The following TTBK2 variants were observed in gnomAD, a reference collection of about 807,000 sequenced individuals.
The protein encoded by TTBK2 is tau tubulin kinase 2.
Under a neutral mutation model 110.8 loss-of-function variants are expected in TTBK2, and 28 were observed. The ratio of observed to expected loss-of-function variants is 0.25; its 90% CI spans 0.19 to 0.35. The LOEUF (loss-of-function observed/expected upper bound fraction) is 0.35, where lower values mean the gene tolerates loss of function less well. Among genes scored for constraint, TTBK2 ranks in the 10% least tolerant of loss-of-function variants. The pLI is 1.00. For missense variants in TTBK2, 1,369 were observed against 1,500.3 expected, an observed-to-expected ratio of 0.91 and a Z score of 1.45; for synonymous variants, 532 against 527.3, an observed-to-expected ratio of 1.01 and a Z score of -0.12.
chr15:42,913,940 C>T (rs2030936804), intron 1 of TTBK2, among the ~76,000 whole-genome samples: 1 of 151,848 alleles, frequency 6.6e-6, no homozygotes, highest in Non-Finnish European at 1.5e-5. Flanking sequence ...AGAACCTTTT[C>T]TGTATCTTCA....
intron 4 of TTBK2, among the ~76,000 whole-genome samples, chr15:42,839,705 T>C (rs920278669): frequency 3.9e-5 from 6 of 152,232 alleles, no homozygotes; most frequent in African/African-American, 1.4e-4. Context: ...ATTAGTGATG[T>C]TGAACATTCT....
chr15:42,784,781 T>C (rs1890336743), intron 10 of TTBK2, among the ~76,000 whole-genome samples: 1 of 152,188 alleles, frequency 6.6e-6, no homozygotes, highest in Non-Finnish European at 1.5e-5. Context: ...AGATGTCATA[T>C]ACTGTTTTGA....
intron 14 of TTBK2, among the ~76,000 whole-genome samples, chr15:42,750,128 G>C (rs934043252): frequency 1.1e-4 from 17 of 151,910 alleles, no homozygotes; most frequent in African/African-American, 3.6e-4. Context: ...AAATCCCGAA[G>C]AAAGGGGAAA....
At chr15:42,871,438 G>A (rs1234310988) in intron 3 of TTBK2, 1 of 985,206 alleles carries the variant, frequency 1.0e-6, no homozygotes, top group African/African-American at 1.7e-5. Flanking sequence ...GCTGTATCCT[G>A]CCTCACCTGG....
intron 3 of TTBK2, among the ~76,000 whole-genome samples, chr15:42,863,916 C>T (rs533085694): frequency 9.2e-5 from 14 of 152,162 alleles, no homozygotes; most frequent in Non-Finnish European, 1.5e-4. Context: ...TCTTTCACCA[C>T]ATACAAAAAT....
At chr15:42,890,387 T>C (rs1256829923) in intron 1 of TTBK2, among the ~76,000 whole-genome samples, 3 of 152,196 alleles carry the variant, frequency 2.0e-5, no homozygotes, top group African/African-American at 7.2e-5. Flanking sequence ...GGGTAGTGTA[T>C]CCTAACTTCA....
chr15:42,780,084 G>A (rs1005313536), intron 11 of TTBK2, among the ~76,000 whole-genome samples: 19 of 151,416 alleles, frequency 1.3e-4, no homozygotes, highest in East Asian at 3.9e-4. Flanking sequence ...GTGCAGTGGC[G>A]CAAACTTGGC....
At chr15:42,764,150 G>T (rs967998688) in intron 13 of TTBK2, among the ~76,000 whole-genome samples, 1 of 152,160 alleles carries the variant, frequency 6.6e-6, no homozygotes, top group Admixed American at 6.6e-5. Context: ...CAAGATGGCC[G>T]AATAGGAACA....
At chr15:42,872,530 T>C in intron 3 of TTBK2, 81 bp downstream of exon 3, 1 of 1,513,430 alleles carries the variant, frequency 6.6e-7, no homozygotes, top group South Asian at 1.2e-5. Context: ...ACTTAAAGAA[T>C]GTAATTAAGG....
chr15:42,771,376 C>T (rs1889670154), intron 13 of TTBK2, among the ~76,000 whole-genome samples: 1 of 152,174 alleles, frequency 6.6e-6, no homozygotes, highest in African/African-American at 2.4e-5. Context: ...AAGTCCTAGG[C>T]AGATATGTCT....
At chr15:42,910,914 G>T (rs1180178101) in intron 1 of TTBK2, among the ~76,000 whole-genome samples, 1 of 151,872 alleles carries the variant, frequency 6.6e-6, no homozygotes, top group Non-Finnish European at 1.5e-5. Context: ...CATGGTGGCA[G>T]GTGCCTGTAA....
At position 42,771,315 on chromosome 15, in the gene TTBK2, T is replaced by C. The variant is rs939413505; in HGVS notation, c.1998+3820A>G. On this transcript the variant is annotated intron_variant, in intron 13 of 14. Coordinates refer to ENST00000267890, the MANE Select transcript of TTBK2 (RefSeq NM_173500.4). ...TTCCCAGAAAGATTTTTAATTACCA[T>C]GCTAAAAAAAAATTAGTTGAGAAAA... Among the ~76,000 whole-genome samples the C allele has an allele frequency of 7.9e-5, 12 of 152,176 alleles. 1 individual carries two copies. In the East Asian group the frequency reaches 1.7e-3, roughly 22 times the overall value.
chr15:42,912,017 T>C (rs1010057486), intron 1 of TTBK2, among the ~76,000 whole-genome samples: 2 of 151,928 alleles, frequency 1.3e-5, no homozygotes, highest in African/African-American at 4.8e-5. Context: ...CTTAAGAAAG[T>C]TTACAAATTT....
At chr15:42,811,947 T>C (rs999799308) in intron 7 of TTBK2, among the ~76,000 whole-genome samples, 167 bp from the exon 8 acceptor site, 1 of 152,124 alleles carries the variant, frequency 6.6e-6, no homozygotes, top group African/African-American at 2.4e-5. Flanking sequence ...TACATAGCTA[T>C]ACAGCAATCT....
intron 13 of TTBK2, among the ~76,000 whole-genome samples, chr15:42,770,709 C>T (rs1034896359): frequency 1.3e-5 from 2 of 152,166 alleles, no homozygotes; most frequent in Non-Finnish European, 2.9e-5. Flanking sequence ...TTTGGCCAAT[C>T]CCCAGTCAAT....
chr15:42,910,349 C>A (rs1377459504), intron 1 of TTBK2, among the ~76,000 whole-genome samples: 2 of 151,996 alleles, frequency 1.3e-5, no homozygotes, highest in Admixed American at 6.6e-5. Flanking sequence ...ACCTTAGAAG[C>A]ACGCACACAA....
intron 3 of TTBK2, among the ~76,000 whole-genome samples, chr15:42,854,810 C>T (rs1661030382): frequency 4.6e-5 from 7 of 152,110 alleles, no homozygotes; most frequent in Admixed American, 4.6e-4. Flanking sequence ...ATTTATAGCA[C>T]TCTTCAGCAA....
At chr15:42,772,446 C>T (rs1269341950) in intron 13 of TTBK2, among the ~76,000 whole-genome samples, 1 of 152,168 alleles carries the variant, frequency 6.6e-6, no homozygotes, top group African/African-American at 2.4e-5. Flanking sequence ...GCTTGACAAC[C>T]ACCTCATGAG....
chr15:42,859,062 C>A (rs1430830483), intron 3 of TTBK2, among the ~76,000 whole-genome samples: 1 of 152,056 alleles, frequency 6.6e-6, no homozygotes, highest in South Asian at 2.1e-4. Context: ...ACCTAACCTG[C>A]TGGAGTTTGT....
Sources: gnomAD v4.1 joint callset for allele counts (sites outside exome capture counted in the v4.1 genomes callset) on GRCh38, gnomAD v4.1.1 for gene constraint, MANE v1.5 for transcripts, NCBI Gene and HGNC (gene_info 2026-07-23, HGNC 2026-07-21) for gene names.